STYK1: variants seen among roughly 807,000 people sequenced by gnomAD.
The protein encoded by STYK1 is tyrosine-protein kinase STYK1.
STYK1 carries 46 observed loss-of-function variants against 48.1 expected under a neutral mutation model. That is an observed-to-expected ratio of 0.96 (90% confidence interval 0.75 to 1.22). STYK1 has a LOEUF of 1.22. STYK1 is among the 50% of genes most tolerant of loss of function. The pLI, the probability that STYK1 is intolerant of heterozygous loss-of-function variation, is 0.00. For missense variants in STYK1, 527 were observed against 521.1 expected (o/e 1.01, Z -0.11); for synonymous variants, 188 against 189.0 (o/e 0.99, Z 0.04).
chr12:10,656,423 G>A (rs1265019178), intron 1 of STYK1, among the ~76,000 whole-genome samples: 1 of 152,106 alleles, frequency 6.6e-6, no homozygotes, highest in Non-Finnish European at 1.5e-5. Context: ...TCAGGAGATA[G>A]AGACCATCCT....
At chr12:10,649,449 A>T (rs1448695017) in intron 1 of STYK1, among the ~76,000 whole-genome samples, 1 of 152,218 alleles carries the variant, frequency 6.6e-6, no homozygotes, top group Non-Finnish European at 1.5e-5. Context: ...TTGTAATGTT[A>T]GTGGGTTAAG....
intron 9 of STYK1, 52 bp downstream of exon 9, chr12:10,622,586 C>T: frequency 6.2e-7 from 1 of 1,606,832 alleles, no homozygotes; most frequent in Non-Finnish European, 8.5e-7. Flanking sequence ...CTTAAATAAA[C>T]ACGCTTGCAT....
intron 1 of STYK1, among the ~76,000 whole-genome samples, chr12:10,665,033 A>C (rs1211341779): frequency 1.3e-5 from 2 of 152,200 alleles, no homozygotes; most frequent in Non-Finnish European, 2.9e-5. Context: ...TGAATCCATT[A>C]ATTAGACTGT....
chr12:10,627,803 T>C (rs923533217), intron 6 of STYK1, 79 bp from the exon 7 acceptor site: 1 of 1,190,820 alleles, frequency 8.4e-7, no homozygotes, highest in Non-Finnish European at 1.2e-6. Context: ...TGGGCAGAGA[T>C]ACTCTGAAAT....
At chr12:10,630,035 GAGAGAGAGAGAGAGAGAGAGAGAGAGAGA>G (rs1947405965) in intron 5 of STYK1, among the ~76,000 whole-genome samples, 1 of 170 alleles carries the variant, frequency 5.9e-3, no homozygotes, top group Admixed American at 0.1. Flanking sequence ...ATGAAGAGGA[GAGAGAGAGAGAGAGAGAGAGAGAGAGAGA>G]GAGAGAGAGA....
intron 7 of STYK1, among the ~76,000 whole-genome samples, 187 bp downstream of exon 7, chr12:10,627,453 CT>C (rs1947371083): frequency 1.3e-5 from 2 of 152,170 alleles, no homozygotes; most frequent in African/African-American, 4.8e-5. Context: ...GGTAAATTAT[CT>C]AGATAAATCC....
rs568573732 is a variant in STYK1, at chr12:10,642,924, T to G, written c.-194-5728A>C. On this transcript the variant is annotated intron_variant, in intron 1 of 10. Coordinates refer to ENST00000075503, the MANE Select transcript of STYK1 (RefSeq NM_018423.3). ...TGCCTGATTTCTTCTGTCTCTAAAT[T>G]TTTCAGCTCCTTGTACTGGTTCCGC... Among the ~76,000 whole-genome samples, 10 of 152,298 alleles carry G rather than the reference T, an allele frequency of 6.6e-5. 1 individual carries two copies. In the South Asian group the frequency reaches 2.1e-3, roughly 32 times the overall value.
At chr12:10,667,402 G>A (rs1565576185) in intron 1 of STYK1, 1 of 152,036 alleles carries the variant, frequency 6.6e-6, no homozygotes, top group Non-Finnish European at 1.5e-5. Context: ...ATCACTTGAG[G>A]CCAGGAGTTC....
At chr12:10,649,970 C>T (rs1377183703) in intron 1 of STYK1, among the ~76,000 whole-genome samples, 1 of 151,626 alleles carries the variant, frequency 6.6e-6, no homozygotes, top group East Asian at 1.9e-4. Context: ...AAAAATTAGC[C>T]AGGCGTGGTG....
rs548319784 is a variant in STYK1, at chr12:10,663,846, CTA to C, written c.-195+10118_-195+10119del. The stretch of plus-strand genomic sequence containing the variant: ...TATTAAGTCATCCCAGTTAAGAAAA[CTA>C]TATGTCTTTCCATTCATTTAGGTCT... On this transcript the variant is annotated intron_variant, in intron 1 of 10. Coordinates refer to ENST00000075503, the MANE Select transcript of STYK1 (RefSeq NM_018423.3). 2.6e-3 allele frequency among the ~76,000 whole-genome samples: 393 copies of C among 151,946 alleles called. 2 individuals carry two copies. The highest frequency in any genetic ancestry group is 9.2e-3 in the African/African-American group (383 of 41,458).
At chr12:10,639,709 C>T (rs1347100889) in intron 1 of STYK1, among the ~76,000 whole-genome samples, 1 of 152,142 alleles carries the variant, frequency 6.6e-6, no homozygotes, top group Non-Finnish European at 1.5e-5. Flanking sequence ...CCACTGTACC[C>T]CACCAAATTA....
Position 10,621,893 on chromosome 12 carries a change from A to T in STYK1, c.1047T>A (p.Ser349Arg), listed in dbSNP as rs1414148843. The change falls in exon 10 of 11, where the codon AGT becomes AGA. Residue 349 changes from serine (S) to arginine (R), a missense_variant. Coordinates refer to ENST00000075503, the MANE Select transcript of STYK1 (RefSeq NM_018423.3). ...CCACTTACATGGTATGTGTGCAGCTACTGGGTCTCTTCATGATTTTCCTTC... is the reference window on the plus strand; with the variant it reads ...CCACTTACATGGTATGTGTGCAGCTTCTGGGTCTCTTCATGATTTTCCTTC... ...LQRRKIMKRP[S>R]SCTHTMYSIM... 1.6e-5 allele frequency: 26 copies of T among 1,613,832 alleles called. No individual in the cohort carries two copies. Among genetic ancestry groups the T allele is most frequent in the Non-Finnish European group, 2.2e-5 (26 of 1,179,762 alleles).
Position 10,634,173 on chromosome 12 carries a change from T to C in STYK1, c.53-49A>G, listed in dbSNP as rs1294168876. ...GAGAAGAGAATGAAGAAGCCTAACC[T>C]GGTGTTCATGCAATTTCCCCTACCC... On this transcript the variant is annotated intron_variant, in intron 3 of 10. Coordinates refer to ENST00000075503, the MANE Select transcript of STYK1 (RefSeq NM_018423.3). The C allele has an allele frequency of 7.6e-6, 12 of 1,579,264 alleles. No individual in the cohort carries two copies. In the African/African-American group the frequency reaches 1.2e-4, roughly 16 times the overall value.
In STYK1 at chr12:10,627,696, T is replaced by C. The variant is rs759793001; in HGVS notation, c.662A>G (p.Tyr221Cys). The change falls in exon 7 of 11, where the codon TAT becomes TGT. Residue 221 changes from tyrosine (Y) to cysteine (C), a missense_variant. Physicochemically the swap from Tyr to Cys is radical, Grantham distance 194. Coordinates refer to ENST00000075503, the MANE Select transcript of STYK1 (RefSeq NM_018423.3). ...ATATACTTGTTTTTCTGTGAGATCA[T>C]AGAGAAGACCATCCATAGTCATCAC... ...RDVMTMDGLL[Y>C]DLTEKQVYHI... is the part of the protein sequence containing the mutation. 9.3e-6 allele frequency: 15 copies of C among 1,613,514 alleles called. No individual in the cohort carries two copies. Among genetic ancestry groups the C allele is most frequent in the Middle Eastern group, 1.6e-4 (1 of 6,062 alleles).
chr12:10,641,515 G>A (rs1479971631), intron 1 of STYK1, among the ~76,000 whole-genome samples: 1 of 152,214 alleles, frequency 6.6e-6, no homozygotes, highest in African/African-American at 2.4e-5. Flanking sequence ...AGCTGAGGAG[G>A]ACTGAAGGAA....
At chr12:10,673,804 G>C (rs1947914242) in intron 1 of STYK1, 162 bp downstream of exon 1, 1 of 152,212 alleles carries the variant, frequency 6.6e-6, no homozygotes, top group South Asian at 2.1e-4. Context: ...TAATTCACTT[G>C]GTGATTTCTG....
rs140760884 is a variant in STYK1, at chr12:10,662,275, G to A, written c.-195+11691C>T. 3.1e-3 allele frequency among the ~76,000 whole-genome samples: 468 copies of A among 152,270 alleles called. 2 individuals are homozygous for A. Among genetic ancestry groups the A allele is most frequent in the African/African-American group, 0.011 (448 of 41,538 alleles). ...TGTTTTAGCCATTTATCAGTGGGTG[G>A]GCATTTGGATAGTTTTCACTTTTTC... On this transcript the variant is annotated intron_variant, in intron 1 of 10. Coordinates refer to ENST00000075503, the MANE Select transcript of STYK1 (RefSeq NM_018423.3).
At chr12:10,622,527 G>A in intron 9 of STYK1, 111 bp downstream of exon 9, 1 of 1,200,808 alleles carries the variant, frequency 8.3e-7, no homozygotes, top group Non-Finnish European at 1.2e-6. Flanking sequence ...TCCATTTCAA[G>A]CTTCAGCACT....
At chr12:10,627,765 A>C (rs1182108650) in intron 6 of STYK1, 41 bp from the exon 7 acceptor site, 1 of 1,528,946 alleles carries the variant, frequency 6.5e-7, no homozygotes, top group Non-Finnish European at 8.9e-7. Context: ...TCAAAATAGC[A>C]CTCACAGATT....
Sources: allele counts gnomAD v4.1 joint callset (sites outside exome capture counted in the v4.1 genomes callset), GRCh38; gene constraint gnomAD v4.1.1; transcripts MANE v1.5; gene names NCBI Gene and HGNC (gene_info 2026-07-23, HGNC 2026-07-21).